The following GSE1 variants were observed in gnomAD, a reference collection of about 807,000 sequenced individuals.
GSE1 encodes Gse1 coiled-coil protein, also known as genetic suppressor element 1.
In GSE1, 32 loss-of-function variants were observed where a neutral mutation model predicts 112.6. The ratio of observed to expected loss-of-function variants is 0.28; its 90% CI spans 0.21 to 0.38. The LOEUF is 0.38. GSE1 is among the 10% of genes least tolerant of loss of function. GSE1 has a pLI of 1.00. For missense variants in GSE1, 2,348 were observed against 1,699.2 expected (o/e 1.38, Z -6.71); for synonymous variants, 1,115 against 735.6 (o/e 1.52, Z -8.35).
intron 1 of GSE1, among the ~76,000 whole-genome samples, chr16:85,187,867 A>G (rs964045630): frequency 3.3e-5 from 5 of 152,204 alleles, no homozygotes; most frequent in African/African-American, 7.2e-5. Context: ...GAGGAAAGGC[A>G]GGGGGAGGTA....
rs1367040575 is a variant in GSE1, at chr16:85,359,523, C to T, written c.2464+1880C>T. 8.7e-5 allele frequency: 36 copies of T among 411,808 alleles called. No individual in the cohort carries two copies. In the Admixed American group the frequency reaches 9.4e-4, roughly 11 times the overall value. The allele number at this position is 411,808 out of a possible 1,614,324, so 25.5% of individuals were successfully genotyped here. A position where few individuals can be genotyped will look rare whatever the true frequency, so the allele number is the denominator to read the frequency against. ...CTGTCCTCACATCTGTAAGAGGGAGCCCTAATAGTAGGTGTTGGTAGAGGT... is the reference window on the plus strand; with the variant it reads ...CTGTCCTCACATCTGTAAGAGGGAGTCCTAATAGTAGGTGTTGGTAGAGGT... On this transcript the variant is annotated intron_variant, in intron 2 of 2. Coordinates refer to the GSE1 transcript ENST00000637419.
At chr16:85,273,871 T>A (rs1323609764) in intron 1 of GSE1, among the ~76,000 whole-genome samples, 1 of 151,326 alleles carries the variant, frequency 6.6e-6, no homozygotes. Context: ...GTATTTTTTT[T>A]TTTTTAGTAG....
chr16:85,487,769 C>G (rs1003403645), intron 2 of GSE1, among the ~76,000 whole-genome samples: 1 of 152,196 alleles, frequency 6.6e-6, no homozygotes, highest in Non-Finnish European at 1.5e-5. Context: ...GTCGTCCAGG[C>G]CACTGCTCAT....
chr16:85,270,061 A>G (rs1235165694), intron 1 of GSE1, among the ~76,000 whole-genome samples: 2 of 148,858 alleles, frequency 1.3e-5, no homozygotes, highest in African/African-American at 4.9e-5. Context: ...ACTCCACCCC[A>G]TGCTCCTCCT....
chr16:85,620,799 C>T lies in GSE1; in HGVS notation c.7+7401C>T, dbSNP rs190027223. 2.2e-4 allele frequency among the ~76,000 whole-genome samples: 34 copies of T among 151,996 alleles called. No homozygotes were observed. In the East Asian group the frequency reaches 2.5e-3, roughly 11 times the overall value. ...CTGTTGAGGAACCCGTTTAGAGGGTCTCAGCCCTGGGTCTCTGCTGTGTTG... is the reference window on the plus strand; with the variant it reads ...CTGTTGAGGAACCCGTTTAGAGGGTTTCAGCCCTGGGTCTCTGCTGTGTTG... On this transcript the variant is annotated intron_variant, in intron 1 of 15. Coordinates refer to ENST00000253458, the MANE Select transcript of GSE1 (RefSeq NM_014615.5).
At chr16:85,340,883 C>A (rs1278487923) in intron 1 of GSE1, among the ~76,000 whole-genome samples, 1 of 152,174 alleles carries the variant, frequency 6.6e-6, no homozygotes, top group African/African-American at 2.4e-5. Flanking sequence ...TGCCCAGGCC[C>A]CCAGTCTAGG....
intron 2 of GSE1, among the ~76,000 whole-genome samples, chr16:85,643,786 C>G (rs772393393): frequency 1.1e-4 from 17 of 152,188 alleles, no homozygotes; most frequent in Non-Finnish European, 2.2e-4. Flanking sequence ...TCCCCACTGT[C>G]CGGTCCCCAG....
At chr16:85,572,508 ACAC>A (rs2046049760) in intron 1 of GSE1, among the ~76,000 whole-genome samples, 2 of 151,748 alleles carry the variant, frequency 1.3e-5, no homozygotes, top group African/African-American at 4.8e-5. Context: ...CATACCACAC[ACAC>A]CACACACACA....
At chr16:85,267,294 A>G (rs1364624433) in intron 1 of GSE1, among the ~76,000 whole-genome samples, 1 of 151,594 alleles carries the variant, frequency 6.6e-6, no homozygotes, top group African/African-American at 2.4e-5. Flanking sequence ...TGCCCCTGGC[A>G]TATTTTCCGA....
intron 1 of GSE1, among the ~76,000 whole-genome samples, chr16:85,304,166 C>T (rs1209087030): frequency 6.6e-6 from 1 of 152,222 alleles, no homozygotes; most frequent in Non-Finnish European, 1.5e-5. Context: ...CCAGGGAATA[C>T]AGAGCAAACG....
intron 13 of GSE1, among the ~76,000 whole-genome samples, chr16:85,667,692 C>G (rs1032844859): frequency 3.9e-5 from 6 of 152,184 alleles, no homozygotes; most frequent in Admixed American, 2.0e-4. Context: ...AACCCTGTTT[C>G]TACTAAAAAT....
chr16:85,492,388 G>C (rs967924819), intron 2 of GSE1, among the ~76,000 whole-genome samples: 2 of 152,040 alleles, frequency 1.3e-5, no homozygotes, highest in African/African-American at 4.8e-5. Context: ...CCTCCCCCTT[G>C]CTGCACGCTA....
At chr16:85,317,180 TTGTC>T (rs2046003714) in intron 1 of GSE1, among the ~76,000 whole-genome samples, 1 of 152,180 alleles carries the variant, frequency 6.6e-6, no homozygotes, top group Non-Finnish European at 1.5e-5. Context: ...GACGGGGCCT[TTGTC>T]TGGTTGTAGT....
intron 2 of GSE1, among the ~76,000 whole-genome samples, chr16:85,443,875 G>A (rs1324774428): frequency 6.6e-6 from 1 of 151,994 alleles, no homozygotes; most frequent in Non-Finnish European, 1.5e-5. Context: ...CCCACTCTCA[G>A]TGACCTATGG....
Position 85,648,542 on chromosome 16 carries a change from T to C in GSE1, c.227-10T>C. On this transcript the variant is annotated splice_polypyrimidine_tract_variant and intron_variant, in intron 2 of 15. Transcript: ENST00000253458. The stretch of plus-strand genomic sequence containing the variant: ...GGCTCCCACTCAGGCCACCGTCTTC[T>C]CCTCCACAGGGTCCTCACTGAGCAG... 6.8e-7 allele frequency: 1 copy of C among 1,478,098 alleles called. No homozygotes were observed. Among genetic ancestry groups the C allele is most frequent in the Non-Finnish European group, 9.1e-7 (1 of 1,099,904 alleles). The allele number at this position is 1,478,098 out of a possible 1,614,324, so 91.6% of individuals were successfully genotyped here.
At chr16:85,545,415 T>C (rs529584344) in intron 2 of GSE1, among the ~76,000 whole-genome samples, 10 of 152,344 alleles carry the variant, frequency 6.6e-5, no homozygotes, top group African/African-American at 2.2e-4. Context: ...TTGCCCTTCC[T>C]GTTTTTTGTT....
chr16:85,510,258 G>C (rs1219891719), intron 2 of GSE1, among the ~76,000 whole-genome samples: 1 of 152,208 alleles, frequency 6.6e-6, no homozygotes, highest in Non-Finnish European at 1.5e-5. Context: ...CAGAAGCAAA[G>C]TTTTGCTGCC....
intron 2 of GSE1, among the ~76,000 whole-genome samples, chr16:85,509,245 GC>G (rs1274029219): frequency 6.6e-6 from 1 of 152,224 alleles, no homozygotes; most frequent in Non-Finnish European, 1.5e-5. Context: ...TTGGATCCAT[GC>G]CAGGGACAGC....
chr16:85,221,419 A>G (rs1457235874), intron 1 of GSE1, among the ~76,000 whole-genome samples: 1 of 151,952 alleles, frequency 6.6e-6, no homozygotes, highest in African/African-American at 2.4e-5. Context: ...CATACCCTGC[A>G]TGCATGCATC....
Sources: gnomAD v4.1 joint callset for allele counts (sites outside exome capture counted in the v4.1 genomes callset) on GRCh38, gnomAD v4.1.1 for gene constraint, MANE v1.5 for transcripts, NCBI Gene and HGNC (gene_info 2026-07-23, HGNC 2026-07-21) for gene names.